The following ARHGAP15 variants were observed in gnomAD, a reference collection of about 807,000 sequenced individuals.
ARHGAP15 encodes rho GTPase-activating protein 15.
A neutral mutation model predicts 63.7 loss-of-function variants in ARHGAP15; 51 were observed. The ratio of observed to expected loss-of-function variants is 0.80; its 90% CI spans 0.64 to 1.01. The LOEUF (loss-of-function observed/expected upper bound fraction) is 1.01. Among genes scored for constraint, ARHGAP15 ranks in the 50% least tolerant of loss-of-function variants. The pLI, the probability that ARHGAP15 is intolerant of heterozygous loss-of-function variation, is 0.00. For missense variants in ARHGAP15, 560 were observed against 564.6 expected (o/e 0.99, Z 0.08); for synonymous variants, 191 against 193.8 (o/e 0.99, Z 0.12).
intron 8 of ARHGAP15, among the ~76,000 whole-genome samples, chr2:143,463,539 T>G: frequency 3.8e-5 from 1 of 26,526 alleles, no homozygotes; most frequent in Non-Finnish European, 7.1e-5. Context: ...AAACTCCATC[T>G]TGGGGGGTGG....
intron 13 of ARHGAP15, among the ~76,000 whole-genome samples, chr2:143,729,718 A>G (rs1196631728): frequency 6.6e-6 from 1 of 152,236 alleles, no homozygotes; most frequent in African/African-American, 2.4e-5. Flanking sequence ...ACAAAGTTAC[A>G]AGCTAAGATA....
At chr2:143,144,817 A>C (rs939239060) in intron 1 of ARHGAP15, among the ~76,000 whole-genome samples, 2 of 152,094 alleles carry the variant, frequency 1.3e-5, no homozygotes, top group Non-Finnish European at 2.9e-5. Context: ...ATATGAACAA[A>C]ATGAAGATAG....
chr2:143,150,427 C>T (rs765576378), intron 1 of ARHGAP15, among the ~76,000 whole-genome samples: 6 of 151,926 alleles, frequency 3.9e-5, no homozygotes, highest in Non-Finnish European at 5.9e-5. Context: ...CATCGAACCA[C>T]GTAGTTTGAG....
intron 6 of ARHGAP15, among the ~76,000 whole-genome samples, chr2:143,418,547 A>T (rs1318044929): frequency 6.6e-6 from 1 of 152,220 alleles, no homozygotes; most frequent in East Asian, 1.9e-4. Flanking sequence ...AATTCCCAAT[A>T]GGATCTTCTG....
At chr2:143,473,126 C>T (rs1469965749) in intron 8 of ARHGAP15, among the ~76,000 whole-genome samples, 2 of 152,156 alleles carry the variant, frequency 1.3e-5, no homozygotes, top group African/African-American at 4.8e-5. Context: ...TTTCTTGTGG[C>T]CATGAAATGA....
chr2:143,191,347 T>C (rs1240777590), intron 2 of ARHGAP15, among the ~76,000 whole-genome samples: 1 of 152,204 alleles, frequency 6.6e-6, no homozygotes, highest in African/African-American at 2.4e-5. Flanking sequence ...GTTCGTATTT[T>C]AAAAAGAATG....
chr2:143,757,804 T>C (rs1012744622), intron 13 of ARHGAP15, among the ~76,000 whole-genome samples: 3 of 152,112 alleles, frequency 2.0e-5, no homozygotes, highest in Admixed American at 6.5e-5. Context: ...ACTTTGATAA[T>C]AGTTATCTGA....
At chr2:143,669,820 C>T (rs1485065613) in intron 12 of ARHGAP15, among the ~76,000 whole-genome samples, 1 of 152,116 alleles carries the variant, frequency 6.6e-6, no homozygotes, top group Non-Finnish European at 1.5e-5. Context: ...ACCTGAAGGA[C>T]AGGGAGATGG....
intron 8 of ARHGAP15, among the ~76,000 whole-genome samples, chr2:143,458,948 TTTC>T (rs968567386): frequency 1.0e-3 from 156 of 152,278 alleles, no homozygotes; most frequent in African/African-American, 3.8e-3. Flanking sequence ...ACTAATTTTT[TTTC>T]TTCTTAATTT....
At chr2:143,613,728 A>G (rs1452320414) in intron 11 of ARHGAP15, among the ~76,000 whole-genome samples, 1 of 152,120 alleles carries the variant, frequency 6.6e-6, no homozygotes, top group Admixed American at 6.6e-5. Context: ...TTTCTTATTA[A>G]CTGACTTCTT....
chr2:143,262,602 C>T (rs867448009), intron 6 of ARHGAP15, among the ~76,000 whole-genome samples: 9 of 140,158 alleles, frequency 6.4e-5, no homozygotes, highest in Middle Eastern at 4.4e-3. Flanking sequence ...GTTCACTGCT[C>T]TCATCAGGCC....
intron 13 of ARHGAP15, among the ~76,000 whole-genome samples, chr2:143,715,994 T>C (rs1365874401): frequency 6.6e-6 from 1 of 152,106 alleles, no homozygotes; most frequent in African/African-American, 2.4e-5. Context: ...CATTGGGGCC[T>C]GTTGGAAGGT....
intron 11 of ARHGAP15, among the ~76,000 whole-genome samples, chr2:143,580,855 A>G (rs969714787): frequency 9.2e-5 from 14 of 152,066 alleles, no homozygotes; most frequent in Non-Finnish European, 1.8e-4. Flanking sequence ...TGACTTTTAT[A>G]TTTTTACCCT....
chr2:143,583,654 G>A (rs1315196244), intron 11 of ARHGAP15, among the ~76,000 whole-genome samples: 3 of 152,128 alleles, frequency 2.0e-5, no homozygotes, highest in Admixed American at 2.0e-4. Flanking sequence ...TTCTGTTTGG[G>A]ACATTTCTAA....
chr2:143,603,100 C>T (rs1161432756), intron 11 of ARHGAP15, among the ~76,000 whole-genome samples: 1 of 152,154 alleles, frequency 6.6e-6, no homozygotes, highest in Non-Finnish European at 1.5e-5. Flanking sequence ...TTGATTTTGC[C>T]TGCCTGGCTG....
intron 9 of ARHGAP15, among the ~76,000 whole-genome samples, chr2:143,510,447 G>T (rs1006013216): frequency 1.3e-5 from 2 of 152,114 alleles, no homozygotes; most frequent in African/African-American, 4.8e-5. Context: ...GCTGGTGGTG[G>T]CCATGAAATG....
chr2:143,307,732 A>G (rs1683240119), intron 6 of ARHGAP15, among the ~76,000 whole-genome samples: 1 of 152,166 alleles, frequency 6.6e-6, no homozygotes, highest in Admixed American at 6.6e-5. Context: ...CCTTCCAATG[A>G]CTTAGGACTG....
At chr2:143,272,756 A>G (rs969636310) in intron 6 of ARHGAP15, among the ~76,000 whole-genome samples, 1 of 152,198 alleles carries the variant, frequency 6.6e-6, no homozygotes, top group African/African-American at 2.4e-5. Context: ...GAGAACTGCC[A>G]ATCGATATTC....
At chr2:143,442,155 AT>A (rs1005061652) in intron 8 of ARHGAP15, among the ~76,000 whole-genome samples, 5 of 152,172 alleles carry the variant, frequency 3.3e-5, no homozygotes, top group African/African-American at 1.2e-4. Context: ...GAAAACATTA[AT>A]TTTTTGTACT....
Sources: gnomAD v4.1 joint callset for allele counts (sites outside exome capture counted in the v4.1 genomes callset) on GRCh38, gnomAD v4.1.1 for gene constraint, MANE v1.5 for transcripts, NCBI Gene and HGNC (gene_info 2026-07-23, HGNC 2026-07-21) for gene names.